CHRM2: variants seen among roughly 807,000 people sequenced by gnomAD.
CHRM2 encodes muscarinic acetylcholine receptor M2.
CHRM2 carries 8 observed loss-of-function variants against 25.0 expected under a neutral mutation model. That is an observed-to-expected ratio of 0.32 (90% CI 0.19 to 0.58). CHRM2 has a LOEUF of 0.58. Among genes scored for constraint, CHRM2 ranks in the 20% least tolerant of loss-of-function variants. The probability of loss-of-function intolerance (pLI) is 0.88; values close to 1 mark genes in which losing one functional copy is unlikely to be tolerated. For missense variants in CHRM2, 440 were observed against 567.1 expected (o/e 0.78, Z 2.28); for synonymous variants, 202 against 205.7 (o/e 0.98, Z 0.15).
At chr7:136,992,141 T>C (rs1803274811) in intron 2 of CHRM2, 46 bp from the exon 3 acceptor site, 1 of 152,146 alleles carries the variant, frequency 6.6e-6, no homozygotes, top group Non-Finnish European at 1.5e-5. Context: ...TTGTTGTAAT[T>C]ATTTTTACTG....
chr7:136,977,727 G>T (rs1031213491), intron 2 of CHRM2, among the ~76,000 whole-genome samples: 3 of 152,160 alleles, frequency 2.0e-5, no homozygotes, highest in African/African-American at 7.2e-5. Flanking sequence ...GGAGGTAAAA[G>T]AATCATTGGT....
At chr7:136,979,372 A>G (rs1802328668) in intron 2 of CHRM2, among the ~76,000 whole-genome samples, 1 of 152,052 alleles carries the variant, frequency 6.6e-6, no homozygotes, top group Non-Finnish European at 1.5e-5. Context: ...TAGATTGCAA[A>G]ATTTTTCTCC....
intron 2 of CHRM2, among the ~76,000 whole-genome samples, chr7:136,953,192 G>A (rs1800518925): frequency 6.6e-6 from 1 of 152,062 alleles, no homozygotes; most frequent in African/African-American, 2.4e-5. Context: ...GACTGGCTCT[G>A]TTTTTTGTTC....
At chr7:136,996,703 G>A (rs1803628631) in intron 3 of CHRM2, among the ~76,000 whole-genome samples, 1 of 152,102 alleles carries the variant, frequency 6.6e-6, no homozygotes, top group African/African-American at 2.4e-5. Flanking sequence ...TGAAATTATA[G>A]TATGCCACAA....
chr7:136,919,015 G>T (rs1330063105), intron 2 of CHRM2, among the ~76,000 whole-genome samples: 1 of 152,098 alleles, frequency 6.6e-6, no homozygotes, highest in African/African-American at 2.4e-5. Context: ...TGGAACTTTT[G>T]TGTAGCTAGC....
chr7:136,950,197 G>T (rs1187823212), intron 2 of CHRM2, among the ~76,000 whole-genome samples: 1 of 151,990 alleles, frequency 6.6e-6, no homozygotes, highest in African/African-American at 2.4e-5. Flanking sequence ...TTCTATTGGG[G>T]TGATTGTTCT....
intron 2 of CHRM2, among the ~76,000 whole-genome samples, chr7:136,976,825 C>T (rs532445617): frequency 1.3e-5 from 2 of 152,246 alleles, no homozygotes; most frequent in South Asian, 4.1e-4. Context: ...CACCACTAGT[C>T]CTTAGTCAAC....
rs959692413 is a variant in CHRM2, at chr7:136,919,631, T to C, written c.-125+50213T>C. On this transcript the variant is annotated intron_variant, in intron 2 of 3. Transcript: ENST00000680005. ...TTCTCTCTCTCCCTACCATGCTTAA[T>C]TCTGTGACCCTATAAACCCATGTAT... Among the ~76,000 whole-genome samples, 14 of 152,120 alleles carry C rather than the reference T, an allele frequency of 9.2e-5. 1 individual carries two copies. Among genetic ancestry groups the C allele is most frequent in the South Asian group, 6.2e-4 (3 of 4,830 alleles).
chr7:136,974,804 C>T (rs1403469377), intron 2 of CHRM2, among the ~76,000 whole-genome samples: 1 of 152,074 alleles, frequency 6.6e-6, no homozygotes, highest in African/African-American at 2.4e-5. Flanking sequence ...TTACAAACAT[C>T]ACTGAGAGGT....
chr7:136,906,147 T>C (rs1050699824), intron 2 of CHRM2, among the ~76,000 whole-genome samples: 1 of 150,806 alleles, frequency 6.6e-6, no homozygotes, highest in Non-Finnish European at 1.5e-5. Context: ...TGTGTATATA[T>C]GTATACATAT....
At position 136,938,293 on chromosome 7, in the gene CHRM2, T is replaced by C. The variant is rs190615949; in HGVS notation, c.-124-53894T>C. 1,045 of 1,080,272 alleles carry C rather than the reference T, an allele frequency of 9.7e-4. 8 individuals are homozygous for C. The African/African-American group carries it at 0.014, about 15-fold the overall frequency. The allele number at this position is 1,080,272 out of a possible 1,614,324, so 66.9% of individuals were successfully genotyped here. On this transcript the variant is annotated intron_variant, in intron 2 of 3. Coordinates refer to ENST00000680005, the MANE Select transcript of CHRM2 (RefSeq NM_001006630.2). ...AGAGTGCTTCAGCTGCCGCCTAAGGTTGTTGATGTAGCTCTCGAACATGTT... is the reference window on the plus strand; with the variant it reads ...AGAGTGCTTCAGCTGCCGCCTAAGGCTGTTGATGTAGCTCTCGAACATGTT...
chr7:136,980,489 G>T (rs1802412575), intron 2 of CHRM2, among the ~76,000 whole-genome samples: 1 of 152,146 alleles, frequency 6.6e-6, no homozygotes, highest in Admixed American at 6.5e-5. Flanking sequence ...TGTTAAATAG[G>T]AGTGGTGAGA....
chr7:136,944,564 CT>C (rs1799961020), intron 2 of CHRM2, among the ~76,000 whole-genome samples: 1 of 151,828 alleles, frequency 6.6e-6, no homozygotes, highest in Non-Finnish European at 1.5e-5. Context: ...TCTTTATCCA[CT>C]GGTTGATTGA....
intron 2 of CHRM2, among the ~76,000 whole-genome samples, chr7:136,893,466 C>T (rs1796773670): frequency 6.6e-6 from 1 of 152,172 alleles, no homozygotes; most frequent in Non-Finnish European, 1.5e-5. Flanking sequence ...TTACCATTGG[C>T]ACACCACTGA....
intron 2 of CHRM2, among the ~76,000 whole-genome samples, chr7:136,968,395 T>C (rs927014291): frequency 2.8e-5 from 4 of 143,392 alleles, no homozygotes; most frequent in African/African-American, 1.0e-4. Context: ...GCTGAGGGTG[T>C]AGAACAAAGG....
At chr7:136,990,793 A>C (rs2131016366) in intron 2 of CHRM2, among the ~76,000 whole-genome samples, 1 of 152,284 alleles carries the variant, frequency 6.6e-6, no homozygotes, top group South Asian at 2.1e-4. Flanking sequence ...GTAAGAAACC[A>C]CTGAATTATC....
intron 2 of CHRM2, among the ~76,000 whole-genome samples, chr7:136,881,248 C>T (rs1299687672): frequency 6.6e-6 from 1 of 151,200 alleles, no homozygotes; most frequent in Non-Finnish European, 1.5e-5. Flanking sequence ...AGAATGACTT[C>T]TTTCACTTAG....
intron 2 of CHRM2, chr7:136,902,036 A>G (rs1797240851): frequency 6.6e-6 from 1 of 152,056 alleles, no homozygotes; most frequent in Admixed American, 6.6e-5. Context: ...GTTAAATTGT[A>G]TTAGATAAGT....
chr7:136,895,860 T>C (rs1796875467), intron 2 of CHRM2, among the ~76,000 whole-genome samples: 2 of 152,178 alleles, frequency 1.3e-5, no homozygotes, highest in African/African-American at 2.4e-5. Flanking sequence ...GCAAGATCAA[T>C]GAATTTGATA....
Sources: allele counts gnomAD v4.1 joint callset (sites outside exome capture counted in the v4.1 genomes callset), GRCh38; gene constraint gnomAD v4.1.1; transcripts MANE v1.5; gene names NCBI Gene and HGNC (gene_info 2026-07-23, HGNC 2026-07-21).